Variants in IP6K1 observed in about 807,000 individuals in gnomAD.
IP6K1 encodes inositol hexakisphosphate kinase 1, also known as ATP:1D-myo-inositol-hexakisphosphate phosphotransferase.
IP6K1 carries 13 observed loss-of-function variants against 38.3 expected under a neutral mutation model. The ratio of observed to expected loss-of-function variants is 0.34; its 90% confidence interval spans 0.22 to 0.54. The LOEUF is 0.54. IP6K1 is among the 20% of genes least tolerant of loss of function. The pLI, the probability that IP6K1 is intolerant of heterozygous loss-of-function variation, is 0.92. For missense variants in IP6K1, 397 were observed against 599.8 expected (o/e 0.66, Z 3.53); for synonymous variants, 212 against 229.9 (o/e 0.92, Z 0.70).
chr3:49,753,791 T>G (rs1048620349), intron 1 of IP6K1, among the ~76,000 whole-genome samples: 1 of 152,126 alleles, frequency 6.6e-6, no homozygotes, highest in African/African-American at 2.4e-5. Flanking sequence ...TGTGGCTTTA[T>G]GAAAAACAAA....
chr3:49,783,710 C>T (rs2081087740), intron 1 of IP6K1, among the ~76,000 whole-genome samples: 1 of 105,122 alleles, frequency 9.5e-6, no homozygotes, highest in Admixed American at 8.8e-5. Flanking sequence ...GAGATTCCGT[C>T]TCAAAAAAAA....
At chr3:49,764,471 CT>C (rs2080892580) in intron 1 of IP6K1, among the ~76,000 whole-genome samples, 1 of 152,130 alleles carries the variant, frequency 6.6e-6, no homozygotes, top group Non-Finnish European at 1.5e-5. Flanking sequence ...CAACAGTAGG[CT>C]ACTAATAATT....
intron 1 of IP6K1, among the ~76,000 whole-genome samples, chr3:49,781,210 C>T (rs1321520243): frequency 4.6e-5 from 7 of 152,014 alleles, no homozygotes; most frequent in Non-Finnish European, 1.0e-4. Context: ...TACAAGCACC[C>T]GCCACCACGC....
chr3:49,766,382 C>T (rs943229964), intron 1 of IP6K1, among the ~76,000 whole-genome samples: 6 of 144,650 alleles, frequency 4.1e-5, no homozygotes, highest in African/African-American at 5.1e-5. Context: ...AAAAAAGAAA[C>T]GCCAGGCGCT....
intron 1 of IP6K1, among the ~76,000 whole-genome samples, chr3:49,763,571 G>C (rs999458270): frequency 6.6e-6 from 1 of 152,074 alleles, no homozygotes; most frequent in Non-Finnish European, 1.5e-5. Flanking sequence ...ATGACAAAGT[G>C]GGAAATGCAA....
At chr3:49,770,277 C>G (rs558543101) in intron 1 of IP6K1, among the ~76,000 whole-genome samples, 1 of 152,304 alleles carries the variant, frequency 6.6e-6, no homozygotes, top group South Asian at 2.1e-4. Flanking sequence ...AGATAATACA[C>G]AAGTCTTTTC....
In IP6K1 at chr3:49,724,498, G is replaced by GC; in HGVS notation, c.*2623_*2624insG. On this transcript the variant is annotated 3_prime_UTR_variant, in exon 6 of 6. Coordinates refer to ENST00000321599, the MANE Select transcript of IP6K1 (RefSeq NM_153273.4). ...GCTTAGCTTCCAGGAAAGAGCAGCAGAGAGCGATTCCCAGAACGCGAGGGC... is the reference window on the plus strand; with the variant it reads ...GCTTAGCTTCCAGGAAAGAGCAGCAGCAGAGCGATTCCCAGAACGCGAGGGC... The GC allele has an allele frequency of 6.6e-6, 1 of 152,318 alleles. No individual in the cohort carries two copies. The highest frequency in any genetic ancestry group is 1.9e-4 in the East Asian group (1 of 5,192). The allele number at this position is 152,318 out of a possible 1,614,324, so 9.4% of individuals were successfully genotyped here. A position where few individuals can be genotyped will look rare whatever the true frequency, so the allele number is the denominator to read the frequency against.
At chr3:49,737,713 A>G (rs2080625346) in intron 3 of IP6K1, among the ~76,000 whole-genome samples, 1 of 152,210 alleles carries the variant, frequency 6.6e-6, no homozygotes, top group South Asian at 2.1e-4. Context: ...TGAACTTACA[A>G]GAAAAATCAA....
chr3:49,774,268 T>G lies in IP6K1; in HGVS notation c.-129+12086A>C, dbSNP rs112247868. 5.4e-3 allele frequency among the ~76,000 whole-genome samples: 809 copies of G among 151,128 alleles called. 10 individuals are homozygous for G. Among genetic ancestry groups the G allele is most frequent in the African/African-American group, 0.019 (765 of 41,190 alleles). ...AAAAATACAAAAAAAATTAGCCGGG[T>G]GCGGTGGCGGGTGCCTGTAGTCCCA... is the stretch of plus-strand genomic sequence containing the variant. On this transcript the variant is annotated intron_variant, in intron 1 of 5. Transcript: ENST00000321599.
chr3:49,766,975 A>G (rs1262062563), intron 1 of IP6K1, among the ~76,000 whole-genome samples: 1 of 151,024 alleles, frequency 6.6e-6, no homozygotes, highest in Non-Finnish European at 1.5e-5. Context: ...AAAAAAAAAA[A>G]AAAAAAAAAA....
At chr3:49,760,208 T>C (rs1008622182) in intron 1 of IP6K1, among the ~76,000 whole-genome samples, 1 of 152,192 alleles carries the variant, frequency 6.6e-6, no homozygotes, top group Non-Finnish European at 1.5e-5. Flanking sequence ...ATTATTACTG[T>C]TAAGTACTTT....
chr3:49,727,760 T>C lies in IP6K1; in HGVS notation c.793-105A>G. The C allele has an allele frequency of 8.5e-7, 1 of 1,172,422 alleles. No individual in the cohort carries two copies. Among genetic ancestry groups the C allele is most frequent in the Non-Finnish European group, 1.2e-6 (1 of 836,768 alleles). The allele number at this position is 1,172,422 out of a possible 1,614,324, so 72.6% of individuals were successfully genotyped here. ...AAGGGACTTTGACCAACCTGAGCTT[T>C]TCTGCTCACCTATCTAAGTGGAACC... On this transcript the variant is annotated intron_variant, in intron 5 of 5. Coordinates refer to ENST00000321599, the MANE Select transcript of IP6K1 (RefSeq NM_153273.4). The surrounding 1 kb of genome is among the most constrained non-coding windows in gnomAD (Gnocchi z 5.9).
At chr3:49,749,166 C>T (rs1372144247) in intron 1 of IP6K1, among the ~76,000 whole-genome samples, 1 of 152,162 alleles carries the variant, frequency 6.6e-6, no homozygotes, top group African/African-American at 2.4e-5. Context: ...TGCTGTGAGG[C>T]CCAGTTCCTA....
chr3:49,750,218 T>G (rs1041356847), intron 1 of IP6K1, among the ~76,000 whole-genome samples: 1 of 152,160 alleles, frequency 6.6e-6, no homozygotes, highest in Non-Finnish European at 1.5e-5. Flanking sequence ...TACTGTAGAT[T>G]GGCTTCTGCC....
chr3:49,729,384 T>C, intron 4 of IP6K1, among the ~76,000 whole-genome samples: 1 of 151,892 alleles, frequency 6.6e-6, no homozygotes, highest in Non-Finnish European at 1.5e-5. Context: ...AGGGTATTTT[T>C]ATGTTGATTT....
Position 49,727,380 on chromosome 3 carries a change from C to T in IP6K1, c.1068G>A (p.Met356Ile), listed in dbSNP as rs779629463. 1.2e-6 allele frequency: 2 copies of T among 1,614,112 alleles called. No individual in the cohort carries two copies. Among genetic ancestry groups the T allele is most frequent in the Non-Finnish European group, 1.7e-6 (2 of 1,180,036 alleles). Reference sequence around the variant, plus strand: ...GCACCATGTCCAGGTGCTTGAGACGCATCTCAGACCGGCGGTCCAGGCAGG... The same window carrying T: ...GCACCATGTCCAGGTGCTTGAGACGTATCTCAGACCGGCGGTCCAGGCAGG... ...AESCLDRRSE[M>I]RLKHLDMVLP... The change falls in exon 6 of 6, where the codon ATG becomes ATA. Residue 356 changes from methionine (M) to isoleucine (I), a missense_variant. Around this residue, in one of 3 missense-constraint regions of IP6K1, gnomAD observed 164 missense variants for 213.5 expected, o/e 0.77. Coordinates refer to ENST00000321599, the MANE Select transcript of IP6K1 (RefSeq NM_153273.4). This position sits in a 1 kb window ranked among gnomAD's most constrained non-coding sequence, Gnocchi z 5.9.
In IP6K1 at chr3:49,726,287, T is replaced by C. The variant is rs1159936067; in HGVS notation, c.*835A>G. ...CCAGCAGCAGCACAGCTGCCGAAAC[T>C]TGAGGAAGAAGACTCCCACCCATAG... On this transcript the variant is annotated 3_prime_UTR_variant, in exon 6 of 6. Transcript: ENST00000321599. 1.3e-5 allele frequency: 2 copies of C among 152,918 alleles called. No individual in the cohort carries two copies. The highest frequency in any genetic ancestry group is 2.9e-5 in the Non-Finnish European group (2 of 68,272). 9.5% of individuals were successfully genotyped at this position (152,918 alleles called of 1,614,324 possible).
At chr3:49,752,061 A>G (rs1006043860) in intron 1 of IP6K1, among the ~76,000 whole-genome samples, 1 of 152,140 alleles carries the variant, frequency 6.6e-6, no homozygotes, top group Non-Finnish European at 1.5e-5. Flanking sequence ...GCTGGAGTAC[A>G]ATGATATGGT....
intron 1 of IP6K1, among the ~76,000 whole-genome samples, chr3:49,768,060 A>G (rs1009301681): frequency 3.3e-5 from 5 of 152,146 alleles, no homozygotes; most frequent in Non-Finnish European, 5.9e-5. Flanking sequence ...ATAGAAAATA[A>G]GTGTTGGCAA....
Sources: allele counts gnomAD v4.1 joint callset (sites outside exome capture counted in the v4.1 genomes callset), GRCh38; gene constraint gnomAD v4.1.1; regional missense constraint gnomAD v4.1.1; non-coding constraint Gnocchi (gnomAD v3.1); transcripts MANE v1.5; gene names NCBI Gene and HGNC (gene_info 2026-07-23, HGNC 2026-07-21).